Variants in ABLIM2 observed in about 807,000 individuals in gnomAD.
The protein encoded by ABLIM2 is actin binding LIM protein family member 2.
ABLIM2 carries 53 observed loss-of-function variants against 97.7 expected under a neutral mutation model. The ratio of observed to expected loss-of-function variants is 0.54; its 90% CI spans 0.44 to 0.68. The LOEUF is 0.68. Ranked by LOEUF, ABLIM2 falls within the 30% of genes least tolerant of loss-of-function variation. The pLI is 0.00. For missense variants in ABLIM2, 835 were observed against 867.2 expected (o/e 0.96, Z 0.47); for synonymous variants, 361 against 345.8 (o/e 1.04, Z -0.49).
chr4:8,020,605 G>A (rs528404199), intron 12 of ABLIM2: 2 of 455,466 alleles, frequency 4.4e-6, no homozygotes, highest in East Asian at 8.4e-5. Context: ...CACTCCATCT[G>A]CGCCTCTGCA....
In ABLIM2 at chr4:8,074,073, G is replaced by C. The variant is rs935364314; in HGVS notation, c.675+3555C>G. On this transcript the variant is annotated intron_variant, in intron 6 of 20. Transcript: ENST00000447017. ...CTGCACTCTAGCCTGAATGACAAGA[G>C]TAAAACTCTGTCTCACAAAAAAAAA... 3.4e-5 allele frequency among the ~76,000 whole-genome samples: 3 copies of C among 88,390 alleles called. No homozygotes were observed. The South Asian group carries it at 1.3e-3, about 37-fold the overall frequency. The allele number at this position is 88,390 out of a possible 152,430, so 58.0% of individuals were successfully genotyped here.
At chr4:8,102,296 G>A (rs913366832) in intron 2 of ABLIM2, among the ~76,000 whole-genome samples, 2 of 152,166 alleles carry the variant, frequency 1.3e-5, no homozygotes, top group Non-Finnish European at 2.9e-5. Context: ...CCTTCCACCA[G>A]GCTTTGCCCA....
Position 8,061,347 on chromosome 4 carries a change from C to A in ABLIM2, c.676-293G>T, listed in dbSNP as rs6844711. Among the ~76,000 whole-genome samples the A allele has an allele frequency of 0.62, 94,010 of 151,848 alleles. 29,789 individuals carry two copies. The highest frequency in any genetic ancestry group is 0.94 in the East Asian group (4,810 of 5,140). ...GGGGTAGTCCAGGAGGGGTCAGCCT[C>A]CTTTACCAGGCGGCATCCAGAGAGA... is the stretch of plus-strand genomic sequence containing the variant. On this transcript the variant is annotated intron_variant, in intron 6 of 20. Coordinates refer to ENST00000447017, the MANE Select transcript of ABLIM2 (RefSeq NM_001130083.2). The surrounding 1 kb of genome is among the most constrained non-coding windows in gnomAD (Gnocchi z 4.5).
rs1245734202 is a variant in ABLIM2, at chr4:8,071,660, G to A, written c.675+5968C>T. ...CGGGGGTGGGGGAACAGGTGGCTCC[G>A]AGGTCTCACACCTGACTGCTCTGTC... On this transcript the variant is annotated intron_variant, in intron 6 of 20. Transcript: ENST00000447017. The surrounding 1 kb of genome is among the most constrained non-coding windows in gnomAD (Gnocchi z 6.2). The A allele has an allele frequency of 1.3e-5, 13 of 966,260 alleles. No homozygotes were observed. In the East Asian group the frequency reaches 3.4e-4, roughly 26 times the overall value. The allele number at this position is 966,260 out of a possible 1,614,324, so 59.9% of individuals were successfully genotyped here. A position where few individuals can be genotyped will look rare whatever the true frequency, so the allele number is the denominator to read the frequency against.
chr4:8,013,871 G>A (rs1381337140), intron 14 of ABLIM2, among the ~76,000 whole-genome samples: 1 of 152,216 alleles, frequency 6.6e-6, no homozygotes, highest in Admixed American at 6.5e-5. Flanking sequence ...TCAGGTGCAC[G>A]GAGGAAGTGA....
intron 1 of ABLIM2, among the ~76,000 whole-genome samples, chr4:8,138,377 A>G (rs1379889443): frequency 1.3e-5 from 2 of 152,154 alleles, no homozygotes; most frequent in African/African-American, 4.8e-5. Flanking sequence ...ATACAAAACA[A>G]TCATATGGAA....
chr4:8,096,856 T>C (rs924292800), intron 3 of ABLIM2, among the ~76,000 whole-genome samples: 1 of 152,154 alleles, frequency 6.6e-6, no homozygotes, highest in Admixed American at 6.5e-5. Context: ...GCATGCTTGC[T>C]CTGTGCCATG....
At chr4:8,040,674 C>T (rs549762037) in intron 9 of ABLIM2, among the ~76,000 whole-genome samples, 7 of 152,076 alleles carry the variant, frequency 4.6e-5, no homozygotes, top group South Asian at 2.1e-4. Context: ...AGGGCTTGCC[C>T]ACCACATCAC....
intron 17 of ABLIM2, among the ~76,000 whole-genome samples, chr4:7,991,645 G>A (rs950447110): frequency 3.9e-5 from 6 of 152,198 alleles, no homozygotes; most frequent in South Asian, 4.1e-4. Context: ...TCAAAGAAGC[G>A]TGCCACATGC....
Position 7,983,316 on chromosome 4 carries a change from G to C in ABLIM2, c.1772C>G (p.Thr591Arg), listed in dbSNP as rs1385865303. ...KIYPYDSLIVTNRIRVKLPKD... is the reference protein window; with the variant it reads ...KIYPYDSLIVRNRIRVKLPKD... ...GGGCAGTTTCACGCGAATTCGGTTT[G>C]TGACGATGAGGGAGTCATACGGATA... The change falls in exon 20 of 21, where the codon ACA (threonine) becomes AGA (arginine). Residue 591 changes from threonine to arginine, a missense_variant. By Grantham distance (71) the Thr-to-Arg change is moderately conservative. Coordinates refer to ENST00000447017, the MANE Select transcript of ABLIM2 (RefSeq NM_001130083.2). 6.2e-7 allele frequency: 1 copy of C among 1,612,642 alleles called. No individual in the cohort carries two copies. Among genetic ancestry groups the C allele is most frequent in the South Asian group, 1.1e-5 (1 of 90,420 alleles).
chr4:8,045,134 C>A (rs746874056), intron 9 of ABLIM2, 30 bp downstream of exon 9: 1 of 1,602,866 alleles, frequency 6.2e-7, no homozygotes, highest in South Asian at 1.1e-5. Context: ...ACCCTCCCAC[C>A]GCCGTCCCCA....
intron 16 of ABLIM2, chr4:8,006,991 C>T: frequency 1.0e-6 from 1 of 983,134 alleles, no homozygotes; most frequent in Non-Finnish European, 1.2e-6. Flanking sequence ...TGCACAGACA[C>T]CTGCTTACAG....
chr4:8,141,553 T>C (rs1416642328), intron 1 of ABLIM2, among the ~76,000 whole-genome samples: 2 of 152,222 alleles, frequency 1.3e-5, no homozygotes, highest in Non-Finnish European at 2.9e-5. Context: ...GCTTTTTTAT[T>C]TTTTATTTTG....
intron 11 of ABLIM2, among the ~76,000 whole-genome samples, chr4:8,029,321 T>C (rs1043457754): frequency 6.6e-6 from 1 of 152,152 alleles, no homozygotes; most frequent in Admixed American, 6.5e-5. Context: ...TGCTGTCTTA[T>C]CTTCCTGACG....
At chr4:8,153,045 T>C (rs916945118) in intron 1 of ABLIM2, among the ~76,000 whole-genome samples, 1 of 152,218 alleles carries the variant, frequency 6.6e-6, no homozygotes, top group Admixed American at 6.5e-5. Context: ...GAATCTAGGC[T>C]CTGGGGTTGG....
Position 7,966,672 on chromosome 4 carries a change from G to A in ABLIM2, c.*318C>T, listed in dbSNP as rs764860137. ...CCCAGCACCGGGGCCAGGGCACCTC[G>A]AGAACGCTGGGAAGGTGGGCTGGGC... On this transcript the variant is annotated 3_prime_UTR_variant, in exon 21 of 21. Transcript: ENST00000447017. 3.3e-4 allele frequency: 102 copies of A among 305,614 alleles called. No individual in the cohort carries two copies. The highest frequency in any genetic ancestry group is 5.0e-4 in the Non-Finnish European group (82 of 163,418). 18.9% of individuals were successfully genotyped at this position (305,614 alleles called of 1,614,324 possible).
At chr4:8,018,330 T>G (rs1771008819) in intron 14 of ABLIM2, among the ~76,000 whole-genome samples, 2 of 152,248 alleles carry the variant, frequency 1.3e-5, no homozygotes, top group South Asian at 4.1e-4. Context: ...GGTGCCATGA[T>G]GGAAAGCCAG....
chr4:8,096,091 T>C (rs1831424851), intron 3 of ABLIM2, among the ~76,000 whole-genome samples: 2 of 152,086 alleles, frequency 1.3e-5, no homozygotes, highest in Non-Finnish European at 2.9e-5. Context: ...CCCTTGGGTC[T>C]CTCCCCCAAC....
chr4:8,063,888 C>T (rs549607088), intron 6 of ABLIM2, among the ~76,000 whole-genome samples: 35 of 152,362 alleles, frequency 2.3e-4, no homozygotes, highest in South Asian at 8.3e-4. Flanking sequence ...CTTGCTACAG[C>T]CCCAGTCCAC....
Sources: allele counts gnomAD v4.1 joint callset (sites outside exome capture counted in the v4.1 genomes callset), GRCh38; gene constraint gnomAD v4.1.1; non-coding constraint Gnocchi (gnomAD v3.1); transcripts MANE v1.5; gene names NCBI Gene and HGNC (gene_info 2026-07-23, HGNC 2026-07-21).